RXYLT1: variants seen among roughly 807,000 people sequenced by gnomAD.
RXYLT1 encodes ribitol-5-phosphate xylosyltransferase 1.
A neutral mutation model predicts 43.5 loss-of-function variants in RXYLT1; 41 were observed. The ratio of observed to expected loss-of-function variants is 0.94; its 90% CI spans 0.73 to 1.22. The LOEUF (loss-of-function observed/expected upper bound fraction) is 1.22, where lower values mean the gene tolerates loss of function less well. RXYLT1 is among the 50% of genes most tolerant of loss of function. The probability of loss-of-function intolerance (pLI) is 0.00; values close to 1 mark genes in which losing one functional copy is unlikely to be tolerated. For missense variants in RXYLT1, 514 were observed against 532.0 expected (o/e 0.97, Z 0.33); for synonymous variants, 166 against 194.4 (o/e 0.85, Z 1.21).
rs552067407 is a variant in RXYLT1 at position 63,808,798 on chromosome 12, C to T, written c.1038C>T (p.Ser346=). The change falls in exon 6 of 6, where the codon TCC becomes TCT. Residue 346 remains serine (S), a synonymous_variant. Coordinates refer to ENST00000261234, the MANE Select transcript of RXYLT1 (RefSeq NM_014254.3). ...TECYRIYEAC[S]YGSIPVVEDV... ...GCTATCGAATCTATGAGGCTTGCTC[C>T]TATGGCTCCATTCCTGTGGTGGAAG... The T allele has an allele frequency of 9.3e-6, 15 of 1,614,042 alleles. No individual in the cohort carries two copies. In the African/African-American group the frequency reaches 1.5e-4, roughly 16 times the overall value.
chr12:63,783,289 C>T lies in RXYLT1; in HGVS notation c.326-1681C>T, dbSNP rs542323603. 1.6e-4 allele frequency among the ~76,000 whole-genome samples: 24 copies of T among 152,218 alleles called. No homozygotes were observed. In the East Asian group the frequency reaches 2.9e-3, roughly 18 times the overall value. On this transcript the variant is annotated intron_variant, in intron 2 of 5. Transcript: ENST00000261234. ...CAGCCTGGCCATCATGGTGAAACCC[C>T]GTCTGTACCAAAAATACAAAAATTA...
At chr12:63,798,919 T>A (rs1252893757) in intron 3 of RXYLT1, among the ~76,000 whole-genome samples, 1 of 152,242 alleles carries the variant, frequency 6.6e-6, no homozygotes, top group Non-Finnish European at 1.5e-5. Flanking sequence ...AAGTCACTTT[T>A]AAGCTGTTAG....
intron 2 of RXYLT1, chr12:63,782,791 G>T: frequency 3.7e-6 from 1 of 270,284 alleles, no homozygotes; most frequent in South Asian, 3.5e-5. Context: ...CTAGCAAAAG[G>T]TTGTGCAGCC....
At chr12:63,782,932 T>C (rs1447961319) in intron 2 of RXYLT1, among the ~76,000 whole-genome samples, 4 of 152,166 alleles carry the variant, frequency 2.6e-5, no homozygotes, top group Non-Finnish European at 4.4e-5. Context: ...TAACAGTTTT[T>C]CCTTCTATCT....
intron 3 of RXYLT1, chr12:63,795,481 T>A (rs1029175419): frequency 2.1e-5 from 3 of 145,362 alleles, no homozygotes; most frequent in African/African-American, 7.8e-5. Context: ...TAGTCCCAGC[T>A]ACTAGGGAGG....
At chr12:63,781,796 C>T (rs538786261) in intron 2 of RXYLT1, among the ~76,000 whole-genome samples, 76 of 152,044 alleles carry the variant, frequency 5.0e-4, no homozygotes, top group Non-Finnish European at 9.7e-4. Context: ...AATTTAGTGA[C>T]TTAGAAAGCG....
intron 3 of RXYLT1, among the ~76,000 whole-genome samples, chr12:63,794,041 T>G (rs1040049109): frequency 2.8e-4 from 43 of 152,196 alleles, no homozygotes; most frequent in South Asian, 8.3e-4. Context: ...GCTTGGAGGG[T>G]TATGTATAAT....
chr12:63,804,973 T>G, intron 4 of RXYLT1: 1 of 339,188 alleles, frequency 2.9e-6, no homozygotes, highest in Non-Finnish European at 5.3e-6. Flanking sequence ...GTAATGCAAG[T>G]TAAAGAATGT....
At chr12:63,801,142 C>T (rs564911442) in intron 3 of RXYLT1, among the ~76,000 whole-genome samples, 44 of 152,192 alleles carry the variant, frequency 2.9e-4, no homozygotes, top group African/African-American at 1.0e-3. Context: ...TGTGGATCCT[C>T]CCATTCAAAT....
At chr12:63,793,050 G>T (rs1336344166) in intron 3 of RXYLT1, among the ~76,000 whole-genome samples, 1 of 152,148 alleles carries the variant, frequency 6.6e-6, no homozygotes, top group Non-Finnish European at 1.5e-5. Flanking sequence ...GGGAATATAG[G>T]TATGCAACAC....
rs1257648989 is a variant in RXYLT1, at chr12:63,808,895, A to G, written c.1135A>G (p.Met379Val). ...TGCTCCTCTGCAGTTACTCAAGTCCATGGGTGCTCCCTTTATCTTTATCAA... is the reference window on the plus strand; with the variant it reads ...TGCTCCTCTGCAGTTACTCAAGTCCGTGGGTGCTCCCTTTATCTTTATCAA... ...HGAPLQLLKS[M>V]GAPFIFIKNW... is the part of the protein sequence containing the mutation. The change falls in exon 6 of 6, where the codon ATG becomes GTG. Residue 379 changes from methionine (M) to valine (V), a missense_variant. Coordinates refer to ENST00000261234, the MANE Select transcript of RXYLT1 (RefSeq NM_014254.3). The G allele has an allele frequency of 3.1e-6, 5 of 1,614,060 alleles. No homozygotes were observed. Among genetic ancestry groups the G allele is most frequent in the Non-Finnish European group, 3.4e-6 (4 of 1,180,046 alleles).
chr12:63,808,948 A>G lies in RXYLT1; in HGVS notation c.1188A>G (p.Leu396=), dbSNP rs1434722571. 6 of 1,613,516 alleles carry G rather than the reference A, an allele frequency of 3.7e-6. No individual in the cohort carries two copies. The highest frequency in any genetic ancestry group is 5.1e-6 in the Non-Finnish European group (6 of 1,179,968). The change falls in exon 6 of 6, where the codon TTA becomes TTG. Residue 396 remains leucine, a synonymous_variant. Transcript: ENST00000261234. ...IKNWKELPAV[L]EKEKTIILQE... is the part of the protein sequence containing the mutation. ...ACTGGAAGGAACTCCCTGCTGTTTT[A>G]GAAAAAGAGAAAACTATAATTTTAC...
intron 3 of RXYLT1, among the ~76,000 whole-genome samples, chr12:63,788,066 G>A (rs1897845482): frequency 6.6e-6 from 1 of 152,210 alleles, no homozygotes; most frequent in South Asian, 2.1e-4. Flanking sequence ...GTGACCAGGT[G>A]CATTGTCAAT....
chr12:63,790,739 C>T (rs546257359), intron 3 of RXYLT1, among the ~76,000 whole-genome samples: 3 of 152,190 alleles, frequency 2.0e-5, no homozygotes, highest in Non-Finnish European at 2.9e-5. Flanking sequence ...TGGGATTACA[C>T]GTGTGAGCCA....
chr12:63,780,423 T>G (rs1897652775), intron 1 of RXYLT1: 2 of 1,225,772 alleles, frequency 1.6e-6, no homozygotes, highest in Non-Finnish European at 2.0e-6. Context: ...TGCCAGAGAT[T>G]TGCGGGAATG....
chr12:63,780,063 G>C lies in RXYLT1; in HGVS notation c.103G>C (p.Ala35Pro), dbSNP rs1382003686. 33 of 1,603,502 alleles carry C rather than the reference G, an allele frequency of 2.1e-5. No homozygotes were observed. The highest frequency in any genetic ancestry group is 2.6e-5 in the Non-Finnish European group (31 of 1,177,180). The change falls in exon 1 of 6, where the codon GCG becomes CCG. Residue 35 changes from alanine to proline, a missense_variant. Transcript: ENST00000261234. ...CGTCTTCTTCGGGCGCCGCCGCCAGGCGCCGGCCGGGTCCCCGCGGGGCCT... is the reference window on the plus strand; with the variant it reads ...CGTCTTCTTCGGGCGCCGCCGCCAGCCGCCGGCCGGGTCCCCGCGGGGCCT... Reference protein sequence around the residue: ...YHVFFGRRRQAPAGSPRGLRK... With the variant: ...YHVFFGRRRQPPAGSPRGLRK...
intron 4 of RXYLT1, among the ~76,000 whole-genome samples, chr12:63,802,940 A>G (rs1317666359): frequency 6.6e-6 from 1 of 151,622 alleles, no homozygotes; most frequent in Non-Finnish European, 1.5e-5. Context: ...GAGGCCAACT[A>G]GGCAGATTGC....
chr12:63,796,584 A>T (rs1057215121), intron 3 of RXYLT1, among the ~76,000 whole-genome samples: 1 of 152,246 alleles, frequency 6.6e-6, no homozygotes. Flanking sequence ...CATCTCTTAA[A>T]TTAGGCCTCA....
intron 5 of RXYLT1, chr12:63,806,417 A>G (rs1898292990): frequency 6.6e-6 from 1 of 152,252 alleles, no homozygotes; most frequent in African/African-American, 2.4e-5. Flanking sequence ...CAAGAAAGGC[A>G]TTCATTAGAA....
Sources: gnomAD v4.1 joint callset for allele counts (sites outside exome capture counted in the v4.1 genomes callset) on GRCh38, gnomAD v4.1.1 for gene constraint, MANE v1.5 for transcripts, NCBI Gene and HGNC (gene_info 2026-07-23, HGNC 2026-07-21) for gene names.